CNTNAP2: variants seen among roughly 807,000 people sequenced by gnomAD.
CNTNAP2 encodes the protein contactin associated protein 2.
A neutral mutation model predicts 155.2 loss-of-function variants in CNTNAP2; 98 were observed. The observed-to-expected ratio is 0.63, with a 90% CI of 0.54 to 0.75. The LOEUF is 0.75. Ranked by LOEUF, CNTNAP2 falls within the 30% of genes least tolerant of loss-of-function variation. The pLI, the probability that CNTNAP2 is intolerant of heterozygous loss-of-function variation, is 0.00. For missense variants in CNTNAP2, 1,727 were observed against 1,688.1 expected (o/e 1.02, Z -0.40); for synonymous variants, 651 against 631.2 (o/e 1.03, Z -0.47).
At chr7:148,388,283 A>C (rs1585330848) in intron 22 of CNTNAP2, among the ~76,000 whole-genome samples, 1 of 134,996 alleles carries the variant, frequency 7.4e-6, no homozygotes, top group African/African-American at 2.7e-5. Context: ...TCCCAGTGCT[A>C]TCCCTCCCCC....
chr7:147,763,402 A>G (rs1211354570), intron 13 of CNTNAP2, among the ~76,000 whole-genome samples: 1 of 150,098 alleles, frequency 6.7e-6, no homozygotes, highest in African/African-American at 2.5e-5. Context: ...GGAGAATACG[A>G]TACTTTACAA....
intron 8 of CNTNAP2, among the ~76,000 whole-genome samples, chr7:147,212,387 C>A (rs1262908751): frequency 6.6e-6 from 1 of 152,090 alleles, no homozygotes; most frequent in East Asian, 1.9e-4. Context: ...TACATGTACA[C>A]CATGTAATAC....
chr7:148,197,490 C>T (rs564550223), intron 18 of CNTNAP2, among the ~76,000 whole-genome samples: 3 of 152,166 alleles, frequency 2.0e-5, no homozygotes, highest in Non-Finnish European at 4.4e-5. Context: ...ATCCCGGAAA[C>T]GAAAGCTCAA....
At chr7:146,968,353 T>G (rs942873467) in intron 3 of CNTNAP2, among the ~76,000 whole-genome samples, 5 of 151,920 alleles carry the variant, frequency 3.3e-5, no homozygotes, top group African/African-American at 1.2e-4. Context: ...TTCCCTCTTT[T>G]TCTATTGATT....
chr7:147,103,229 T>C (rs1485837310), intron 4 of CNTNAP2, among the ~76,000 whole-genome samples: 1 of 152,146 alleles, frequency 6.6e-6, no homozygotes, highest in Non-Finnish European at 1.5e-5. Context: ...TCAGAGGAGA[T>C]ATGCTGTAAA....
intron 3 of CNTNAP2, among the ~76,000 whole-genome samples, chr7:146,924,575 C>T (rs558028442): frequency 4.6e-5 from 7 of 152,078 alleles, no homozygotes; most frequent in Non-Finnish European, 8.8e-5. Flanking sequence ...CTTGAAAGAC[C>T]TTTGAGGGCC....
chr7:147,590,799 A>C (rs1800721734), intron 12 of CNTNAP2, among the ~76,000 whole-genome samples: 1 of 152,210 alleles, frequency 6.6e-6, no homozygotes, highest in African/African-American at 2.4e-5. Flanking sequence ...TAGTTTACAT[A>C]GAATGATGAG....
chr7:148,365,417 C>T (rs1183110219), intron 21 of CNTNAP2, among the ~76,000 whole-genome samples: 1 of 152,138 alleles, frequency 6.6e-6, no homozygotes, highest in Non-Finnish European at 1.5e-5. Context: ...GTAATCCCAG[C>T]ACTTTGGGAG....
chr7:146,713,636 G>T (rs1251542767), intron 1 of CNTNAP2, among the ~76,000 whole-genome samples: 5 of 152,108 alleles, frequency 3.3e-5, no homozygotes, highest in African/African-American at 7.2e-5. Flanking sequence ...TTGCCTTCAA[G>T]TATGACAAAT....
rs184220814 is a variant in CNTNAP2, at chr7:146,830,188, C to G, written c.209-9523C>G. 2.3e-3 allele frequency among the ~76,000 whole-genome samples: 347 copies of G among 152,012 alleles called. 2 individuals are homozygous for G. Among genetic ancestry groups the G allele is most frequent in the African/African-American group, 7.8e-3 (324 of 41,478 alleles). On this transcript the variant is annotated intron_variant, in intron 2 of 23. Coordinates refer to ENST00000361727, the MANE Select transcript of CNTNAP2 (RefSeq NM_014141.6). Reference sequence around the variant, plus strand: ...TTGAGTCCTGTTTAAAAAATCTTTCCCAACCACAAAAAGATGCTGTATGTT... The same window carrying G: ...TTGAGTCCTGTTTAAAAAATCTTTCGCAACCACAAAAAGATGCTGTATGTT...
chr7:146,316,821 A>G (rs1016807750), intron 1 of CNTNAP2, among the ~76,000 whole-genome samples: 2 of 151,404 alleles, frequency 1.3e-5, no homozygotes, highest in East Asian at 1.9e-4. Context: ...AAGCACACCT[A>G]CTCTTTCCAA....
intron 15 of CNTNAP2, among the ~76,000 whole-genome samples, chr7:147,993,056 TCTC>T (rs1195348740): frequency 6.6e-6 from 1 of 152,218 alleles, no homozygotes; most frequent in Non-Finnish European, 1.5e-5. Context: ...GCTGTGGTAT[TCTC>T]ATTGACATAG....
At chr7:147,916,628 G>A (rs1800167285) in intron 14 of CNTNAP2, among the ~76,000 whole-genome samples, 1 of 142,440 alleles carries the variant, frequency 7.0e-6, no homozygotes, top group African/African-American at 2.6e-5. Flanking sequence ...TTTCCCATTA[G>A]TATTTCTCTC....
intron 13 of CNTNAP2, among the ~76,000 whole-genome samples, chr7:147,791,215 C>T (rs936760112): frequency 1.3e-5 from 2 of 152,068 alleles, no homozygotes; most frequent in African/African-American, 4.8e-5. Context: ...GCCAGTTTCT[C>T]CTCTTGCTGA....
At chr7:147,564,863 A>G (rs1346967977) in intron 12 of CNTNAP2, among the ~76,000 whole-genome samples, 1 of 152,300 alleles carries the variant, frequency 6.6e-6, no homozygotes, top group East Asian at 1.9e-4. Flanking sequence ...TTCATTCAAG[A>G]TAGTTACAAA....
At chr7:147,751,349 T>C (rs2116503412) in intron 13 of CNTNAP2, among the ~76,000 whole-genome samples, 1 of 148,736 alleles carries the variant, frequency 6.7e-6, no homozygotes, top group East Asian at 2.0e-4. Flanking sequence ...CAGAGATAAG[T>C]GGAGGAATTA....
intron 13 of CNTNAP2, among the ~76,000 whole-genome samples, chr7:147,686,724 C>T (rs1020250009): frequency 1.1e-4 from 17 of 151,844 alleles, no homozygotes; most frequent in Admixed American, 1.1e-3. Context: ...ACTGATGTTT[C>T]TGCTAAAGTG....
chr7:146,270,377 C>T (rs1011276729), intron 1 of CNTNAP2, among the ~76,000 whole-genome samples: 1 of 151,950 alleles, frequency 6.6e-6, no homozygotes, highest in Non-Finnish European at 1.5e-5. Context: ...ATTGAGTGGC[C>T]CTTCCACCAG....
At chr7:146,269,999 A>T (rs1339339202) in intron 1 of CNTNAP2, among the ~76,000 whole-genome samples, 1 of 152,080 alleles carries the variant, frequency 6.6e-6, no homozygotes, top group African/African-American at 2.4e-5. Context: ...ATCACTCAGG[A>T]CTTCATACCT....
Sources: allele counts gnomAD v4.1 joint callset (sites outside exome capture counted in the v4.1 genomes callset), GRCh38; gene constraint gnomAD v4.1.1; transcripts MANE v1.5; gene names NCBI Gene and HGNC (gene_info 2026-07-23, HGNC 2026-07-21).